The following RIN2 variants were observed in gnomAD, a reference collection of about 807,000 sequenced individuals.
RIN2 encodes Ras and Rab interactor 2.
Under a neutral mutation model 78.0 loss-of-function variants are expected in RIN2, and 36 were observed. The ratio of observed to expected loss-of-function variants is 0.46; its 90% confidence interval spans 0.35 to 0.61. The LOEUF is 0.61. RIN2 is among the 20% of genes least tolerant of loss of function. The probability of loss-of-function intolerance (pLI) is 0.00; values close to 1 mark genes in which losing one functional copy is unlikely to be tolerated. For missense variants in RIN2, 1,087 were observed against 1,159.7 expected (o/e 0.94, Z 0.91); for synonymous variants, 466 against 466.8 (o/e 1.00, Z 0.02).
At chr20:19,931,506 C>T (rs972485225) in intron 3 of RIN2, among the ~76,000 whole-genome samples, 5 of 152,062 alleles carry the variant, frequency 3.3e-5, no homozygotes, top group Admixed American at 3.3e-4. Context: ...TCAATATAAA[C>T]ATTATATGGA....
At chr20:19,805,290 G>A (rs770418444) in intron 2 of RIN2, among the ~76,000 whole-genome samples, 2 of 152,228 alleles carry the variant, frequency 1.3e-5, no homozygotes, top group African/African-American at 4.8e-5. Context: ...GGTTACCACT[G>A]TGGGCACCAG....
At chr20:19,878,832 G>A (rs1467260536) in intron 2 of RIN2, among the ~76,000 whole-genome samples, 1 of 152,154 alleles carries the variant, frequency 6.6e-6, no homozygotes, top group Non-Finnish European at 1.5e-5. Flanking sequence ...ATGACTCAAA[G>A]CAGTCTCTCT....
intron 4 of RIN2, among the ~76,000 whole-genome samples, chr20:19,945,898 TG>T (rs948979463): frequency 1.3e-5 from 2 of 152,230 alleles, no homozygotes; most frequent in Admixed American, 1.3e-4. Flanking sequence ...TCTTGGTAGC[TG>T]TGGTGATTTT....
rs142757291 is a variant in RIN2, at chr20:19,872,967, A to G, written c.-36-16599A>G. 6.8e-3 allele frequency among the ~76,000 whole-genome samples: 1,032 copies of G among 152,264 alleles called. 9 individuals carry two copies. Among genetic ancestry groups the G allele is most frequent in the Middle Eastern group, 0.024 (7 of 294 alleles). On this transcript the variant is annotated intron_variant, in intron 2 of 12. Transcript: ENST00000255006. The stretch of plus-strand genomic sequence containing the variant: ...TATATTTAATAAATAAATTAATTAA[A>G]TGTTTTAAAAACTGCTTAAAATTTT...
chr20:19,816,601 A>G (rs1381446609), intron 2 of RIN2, among the ~76,000 whole-genome samples: 1 of 152,104 alleles, frequency 6.6e-6, no homozygotes, highest in Non-Finnish European at 1.5e-5. Flanking sequence ...TAGCATGGAG[A>G]GCTTGAGGTG....
At chr20:19,810,795 G>A (rs1441005026) in intron 2 of RIN2, among the ~76,000 whole-genome samples, 7 of 140,526 alleles carry the variant, frequency 5.0e-5, no homozygotes, top group South Asian at 2.3e-4. Context: ...CCGGGTTCAC[G>A]CCATTCTCCC....
chr20:19,962,551 G>A (rs2041799872), intron 6 of RIN2, among the ~76,000 whole-genome samples: 2 of 152,158 alleles, frequency 1.3e-5, no homozygotes, highest in Non-Finnish European at 2.9e-5. Flanking sequence ...ATCTTCTCCA[G>A]GTGACTTCAA....
intron 2 of RIN2, among the ~76,000 whole-genome samples, chr20:19,886,133 C>G (rs2038180249): frequency 6.6e-6 from 1 of 152,238 alleles, no homozygotes; most frequent in African/African-American, 2.4e-5. Flanking sequence ...GCCAGTGACT[C>G]AACCCAGTTC....
intron 9 of RIN2, among the ~76,000 whole-genome samples, chr20:19,982,113 A>G (rs2042472758): frequency 6.6e-6 from 1 of 152,194 alleles, no homozygotes; most frequent in Non-Finnish European, 1.5e-5. Flanking sequence ...CCCCTCAAAG[A>G]GAGAAGACTA....
intron 3 of RIN2, 67 bp downstream of exon 3, chr20:19,889,725 C>T (rs1286154843): frequency 2.3e-5 from 28 of 1,240,790 alleles, no homozygotes; most frequent in Non-Finnish European, 3.1e-5. Flanking sequence ...AGCTGCGGTG[C>T]TCCATGGAGC....
At chr20:19,789,641 C>T (rs2034826148) in intron 1 of RIN2, among the ~76,000 whole-genome samples, 2 of 152,216 alleles carry the variant, frequency 1.3e-5, no homozygotes, top group South Asian at 4.1e-4. Flanking sequence ...AATCTTATAA[C>T]TGTTGTTCCA....
Position 19,946,441 on chromosome 20 carries a change from G to A in RIN2, c.159-10174G>A, listed in dbSNP as rs368867320. Among the ~76,000 whole-genome samples, 277 of 152,234 alleles carry A rather than the reference G, an allele frequency of 1.8e-3. 2 individuals are homozygous for A. Among genetic ancestry groups the A allele is most frequent in the African/African-American group, 6.2e-3 (258 of 41,542 alleles). On this transcript the variant is annotated intron_variant, in intron 4 of 12. Coordinates refer to ENST00000255006, the MANE Select transcript of RIN2 (RefSeq NM_018993.4). ...TACAGGATGATCTTCCCAGGCCGGCGCCGGGGTTCACACCTGGAATCCCAG... is the reference window on the plus strand; with the variant it reads ...TACAGGATGATCTTCCCAGGCCGGCACCGGGGTTCACACCTGGAATCCCAG...
At position 20,000,287 on chromosome 20, in the gene RIN2, G is replaced by A. The variant is rs536135770; in HGVS notation, c.2365-326G>A. Among the ~76,000 whole-genome samples, 391 of 152,288 alleles carry A rather than the reference G, an allele frequency of 2.6e-3. 1 individual carries two copies. Among genetic ancestry groups the A allele is most frequent in the Middle Eastern group, 0.014 (4 of 294 alleles). On this transcript the variant is annotated intron_variant, in intron 12 of 12. Coordinates refer to ENST00000255006, the MANE Select transcript of RIN2 (RefSeq NM_018993.4). ...CTATTTGGTTTAGTTTTCAAGCTGG[G>A]AATAAACCCAGCATTGGATGTGGTT...
chr20:19,982,236 C>G (rs879567586), intron 9 of RIN2, among the ~76,000 whole-genome samples: 2 of 152,184 alleles, frequency 1.3e-5, no homozygotes, highest in Non-Finnish European at 2.9e-5. Flanking sequence ...GCAACCACCC[C>G]GGGAAGCTGT....
intron 1 of RIN2, among the ~76,000 whole-genome samples, chr20:19,781,930 C>T (rs1041514249): frequency 6.6e-6 from 1 of 152,020 alleles, no homozygotes; most frequent in Non-Finnish European, 1.5e-5. Flanking sequence ...GACCATGCAT[C>T]GTCAAAGAAT....
intron 3 of RIN2, among the ~76,000 whole-genome samples, chr20:19,929,162 C>T (rs1004733190): frequency 1.2e-4 from 19 of 152,274 alleles, no homozygotes; most frequent in Admixed American, 6.5e-4. Flanking sequence ...TGTCCACAGA[C>T]GAGCAGGGGT....
intron 1 of RIN2, among the ~76,000 whole-genome samples, chr20:19,777,575 G>A (rs1213630359): frequency 2.0e-5 from 3 of 152,214 alleles, no homozygotes; most frequent in Admixed American, 6.5e-5. Flanking sequence ...CATTTAAAAC[G>A]AATTCTTCAA....
chr20:19,802,468 C>CT (rs1448141196), intron 2 of RIN2, among the ~76,000 whole-genome samples: 1 of 117,792 alleles, frequency 8.5e-6, no homozygotes, highest in Non-Finnish European at 1.6e-5. Flanking sequence ...CAAAAAGTTT[C>CT]TTTAAAAAAA....
At chr20:19,892,579 CTCTT>C (rs3059672) in intron 3 of RIN2, among the ~76,000 whole-genome samples, 92,606 of 151,210 alleles carry the variant, frequency 0.61, 28,455 homozygotes, top group East Asian at 0.69. Context: ...TCTTTCTTTC[CTCTT>C]TCTTTCTTTC....
Sources: allele counts gnomAD v4.1 joint callset (sites outside exome capture counted in the v4.1 genomes callset), GRCh38; gene constraint gnomAD v4.1.1; transcripts MANE v1.5; gene names NCBI Gene and HGNC (gene_info 2026-07-23, HGNC 2026-07-21).